IQCM: variants seen among roughly 807,000 people sequenced by gnomAD.
The protein encoded by IQCM is IQ motif containing M, also known as IQ domain-containing protein M.
A neutral mutation model predicts 57.6 loss-of-function variants in IQCM; 45 were observed. The observed-to-expected ratio is 0.78, with a 90% CI of 0.62 to 1.00. IQCM has a LOEUF of 1.00. Ranked by LOEUF, IQCM falls within the 50% of genes least tolerant of loss-of-function variation. IQCM has a pLI of 0.00. For missense variants in IQCM, 468 were observed against 511.6 expected (o/e 0.91, Z 0.82); for synonymous variants, 148 against 158.9 (o/e 0.93, Z 0.51).
intron 5 of IQCM, among the ~76,000 whole-genome samples, chr4:149,686,840 G>A (rs1762576820): frequency 6.6e-6 from 1 of 151,314 alleles, no homozygotes; most frequent in South Asian, 2.1e-4. Flanking sequence ...TTACAGAAGG[G>A]GCTGCTATTT....
chr4:149,404,213 C>T (rs1434122613), intron 13 of IQCM, among the ~76,000 whole-genome samples: 1 of 151,940 alleles, frequency 6.6e-6, no homozygotes, highest in East Asian at 1.9e-4. Context: ...TTTATGGAGA[C>T]AGAACTGAGT....
chr4:149,517,526 G>A (rs899320450), intron 12 of IQCM, among the ~76,000 whole-genome samples: 1 of 152,130 alleles, frequency 6.6e-6, no homozygotes, highest in Non-Finnish European at 1.5e-5. Context: ...ATGATCTCAG[G>A]AGATGTGTAT....
At chr4:149,443,468 TTATA>T (rs1396501671) in intron 12 of IQCM, among the ~76,000 whole-genome samples, 2 of 151,994 alleles carry the variant, frequency 1.3e-5, no homozygotes, top group East Asian at 3.9e-4. Context: ...AGAAAAATAC[TTATA>T]AAGTTCTGAG....
At chr4:149,673,150 G>T (rs2150183187) in intron 7 of IQCM, among the ~76,000 whole-genome samples, 1 of 152,166 alleles carries the variant, frequency 6.6e-6, no homozygotes. Flanking sequence ...AGGAACAAAT[G>T]GTACCAACCA....
At chr4:149,486,483 T>G (rs965933002) in intron 12 of IQCM, among the ~76,000 whole-genome samples, 7 of 152,126 alleles carry the variant, frequency 4.6e-5, no homozygotes, top group Non-Finnish European at 1.0e-4. Flanking sequence ...GCACTGTGGC[T>G]CACGCCTGTA....
rs184624485 is a variant in IQCM, at chr4:149,580,479, T to A, written c.749+7451A>T. Among the ~76,000 whole-genome samples the A allele has an allele frequency of 3.3e-5, 5 of 151,898 alleles. No individual in the cohort carries two copies. The East Asian group carries it at 9.8e-4, about 30-fold the overall frequency. ...TAATTCATGTCATGCTAAACTCATT[T>A]TCTTTATTTTAATTTAATTTTATAG... On this transcript the variant is annotated intron_variant, in intron 9 of 13. Transcript: ENST00000636793.
intron 10 of IQCM, among the ~76,000 whole-genome samples, chr4:149,562,255 A>C (rs575401815): frequency 6.6e-6 from 1 of 152,336 alleles, no homozygotes; most frequent in African/African-American, 2.4e-5. Flanking sequence ...GTCTGCAGGC[A>C]TGGAGATCAA....
intron 5 of IQCM, among the ~76,000 whole-genome samples, chr4:149,726,204 C>A (rs1765930816): frequency 6.7e-6 from 1 of 148,178 alleles, no homozygotes; most frequent in Non-Finnish European, 1.5e-5. Context: ...CACATTTTTC[C>A]AAATTTGATT....
intron 2 of IQCM, among the ~76,000 whole-genome samples, chr4:149,766,650 G>T (rs562416801): frequency 1.1e-4 from 17 of 152,200 alleles, no homozygotes; most frequent in Middle Eastern, 3.4e-3. Context: ...CCCACAGGTC[G>T]TATGGTCTTT....
At chr4:149,556,780 T>C (rs542959787) in intron 10 of IQCM, among the ~76,000 whole-genome samples, 2 of 152,166 alleles carry the variant, frequency 1.3e-5, no homozygotes, top group African/African-American at 4.8e-5. Context: ...ACTAAGAAAC[T>C]AGCGAAGACC....
intron 13 of IQCM, among the ~76,000 whole-genome samples, chr4:149,384,059 T>C (rs1300612800): frequency 1.3e-5 from 2 of 152,200 alleles, no homozygotes; most frequent in Non-Finnish European, 2.9e-5. Flanking sequence ...AAAAAGTATA[T>C]CTTCTCATGA....
intron 13 of IQCM, among the ~76,000 whole-genome samples, chr4:149,401,751 A>G (rs1232085578): frequency 6.6e-6 from 1 of 151,784 alleles, no homozygotes; most frequent in Non-Finnish European, 1.5e-5. Context: ...ATAATTTTAG[A>G]GTAATGAATC....
At chr4:149,805,651 G>A (rs1342430818) in intron 2 of IQCM, among the ~76,000 whole-genome samples, 1 of 152,026 alleles carries the variant, frequency 6.6e-6, no homozygotes, top group Non-Finnish European at 1.5e-5. Context: ...AATAAAAAGT[G>A]AAGTAATAGC....
chr4:149,678,395 G>C (rs1761927414), intron 7 of IQCM, among the ~76,000 whole-genome samples: 1 of 151,816 alleles, frequency 6.6e-6, no homozygotes, highest in South Asian at 2.1e-4. Flanking sequence ...TGCTGAAACA[G>C]AAAATCTATT....
intron 8 of IQCM, among the ~76,000 whole-genome samples, chr4:149,600,707 G>A (rs1347040741): frequency 1.3e-5 from 2 of 152,130 alleles, no homozygotes; most frequent in African/African-American, 4.8e-5. Context: ...GGAGGACTCT[G>A]ATGGAGAATT....
chr4:149,506,061 A>T (rs1743782492), intron 12 of IQCM, among the ~76,000 whole-genome samples: 1 of 152,224 alleles, frequency 6.6e-6, no homozygotes. Context: ...ATTTATTTAT[A>T]CAAAGAGGTA....
intron 12 of IQCM, among the ~76,000 whole-genome samples, chr4:149,546,679 C>T (rs886259496): frequency 6.6e-6 from 1 of 152,020 alleles, no homozygotes; most frequent in Non-Finnish European, 1.5e-5. Flanking sequence ...TTGTTTTTTT[C>T]TTGTAAGTTT....
chr4:149,539,125 A>T (rs1189644085), intron 12 of IQCM, among the ~76,000 whole-genome samples: 1 of 152,180 alleles, frequency 6.6e-6, no homozygotes, highest in Non-Finnish European at 1.5e-5. Context: ...TAGTAACATT[A>T]TTCATAACAA....
chr4:149,387,699 AC>A (rs1232355686), intron 13 of IQCM, among the ~76,000 whole-genome samples: 2 of 152,090 alleles, frequency 1.3e-5, no homozygotes, highest in East Asian at 3.9e-4. Flanking sequence ...TATTTCATGA[AC>A]CATAAATTTC....
Sources: gnomAD v4.1 joint callset for allele counts (sites outside exome capture counted in the v4.1 genomes callset) on GRCh38, gnomAD v4.1.1 for gene constraint, MANE v1.5 for transcripts, NCBI Gene and HGNC (gene_info 2026-07-23, HGNC 2026-07-21) for gene names.